TSPAN3: variants seen among roughly 807,000 people sequenced by gnomAD.
TSPAN3 encodes tetraspanin 3.
Under a neutral mutation model 31.1 loss-of-function variants are expected in TSPAN3, and 9 were observed. That is an observed-to-expected ratio of 0.29 (90% confidence interval 0.17 to 0.50). TSPAN3 has a LOEUF of 0.50. TSPAN3 is among the 20% of genes least tolerant of loss of function. The probability of loss-of-function intolerance (pLI) is 0.98; values close to 1 mark genes in which losing one functional copy is unlikely to be tolerated. For missense variants in TSPAN3, 252 were observed against 313.5 expected, an observed-to-expected ratio of 0.80 and a Z score of 1.48; for synonymous variants, 129 against 114.3, an observed-to-expected ratio of 1.13 and a Z score of -0.82.
chr15:77,060,325 G>A (rs1250374689), intron 1 of TSPAN3, among the ~76,000 whole-genome samples: 1 of 152,122 alleles, frequency 6.6e-6, no homozygotes, highest in Non-Finnish European at 1.5e-5. Context: ...ATCTGTATAT[G>A]GTGCTTATAT....
chr15:77,047,047 C>T, intron 6 of TSPAN3, 120 bp from the exon 7 acceptor site: 1 of 673,856 alleles, frequency 1.5e-6, no homozygotes, highest in Non-Finnish European at 2.5e-6. Context: ...ATCAAAAAGG[C>T]AGTAACAACA....
intron 6 of TSPAN3, among the ~76,000 whole-genome samples, chr15:77,051,540 A>T (rs2076730954): frequency 6.6e-6 from 1 of 151,458 alleles, no homozygotes; most frequent in Non-Finnish European, 1.5e-5. Flanking sequence ...AAAAAAAAAA[A>T]AAGAAAAGAA....
At chr15:77,059,200 A>T (rs920423337) in intron 1 of TSPAN3, among the ~76,000 whole-genome samples, 9 of 152,058 alleles carry the variant, frequency 5.9e-5, no homozygotes, top group Admixed American at 2.0e-4. Context: ...CTCCTGCCTC[A>T]GCCTCCCGAG....
intron 4 of TSPAN3, among the ~76,000 whole-genome samples, chr15:77,053,604 G>A (rs1331993392): frequency 6.7e-6 from 1 of 150,346 alleles, no homozygotes; most frequent in Non-Finnish European, 1.5e-5. Context: ...CAATGACAAA[G>A]TATTTAAAAT....
chr15:77,060,185 CT>C (rs201024375), intron 1 of TSPAN3, among the ~76,000 whole-genome samples: 2,042 of 152,270 alleles, frequency 0.013, 56 homozygotes, highest in African/African-American at 0.047. Flanking sequence ...GTTAAAGGAA[CT>C]TACTAGTTGC....
intron 1 of TSPAN3, among the ~76,000 whole-genome samples, chr15:77,057,724 G>C (rs2076776375): frequency 6.6e-6 from 1 of 152,076 alleles, no homozygotes; most frequent in Non-Finnish European, 1.5e-5. Flanking sequence ...TGAGATGTTA[G>C]TGATCTCCAG....
Position 77,046,514 on chromosome 15 carries a change from GT to G in TSPAN3, c.*320del. The G allele has an allele frequency of 6.7e-6, 3 of 449,224 alleles. No homozygotes were observed. Among genetic ancestry groups the G allele is most frequent in the Non-Finnish European group, 1.2e-5 (3 of 255,148 alleles). The allele number at this position is 449,224 out of a possible 1,614,324, so 27.8% of individuals were successfully genotyped here. ...CTGGTGACATTTCGGCATCAGTCCT[GT>G]TACCACTTGGAGGTAACAGAAGCAG... On this transcript the variant is annotated 3_prime_UTR_variant, in exon 7 of 7. Coordinates refer to ENST00000267970, the MANE Select transcript of TSPAN3 (RefSeq NM_005724.6).
Position 77,059,704 on chromosome 15 carries a change from G to A in TSPAN3, c.64-3449C>T, listed in dbSNP as rs144187123. ...AAATGAATTCCATTTCTGAGCTTTC[G>A]GTACACCTACTGAAACTTCACTAGC... On this transcript the variant is annotated intron_variant, in intron 1 of 6. Coordinates refer to ENST00000267970, the MANE Select transcript of TSPAN3 (RefSeq NM_005724.6). 1.6e-3 allele frequency among the ~76,000 whole-genome samples: 239 copies of A among 151,940 alleles called. 2 individuals are homozygous for A. The highest frequency in any genetic ancestry group is 5.4e-3 in the African/African-American group (225 of 41,410).
chr15:77,057,002 G>C (rs1009096328), intron 1 of TSPAN3, among the ~76,000 whole-genome samples: 1 of 152,206 alleles, frequency 6.6e-6, no homozygotes, highest in Non-Finnish European at 1.5e-5. Flanking sequence ...CTTCTTCTTG[G>C]AGCGCACTCT....
chr15:77,052,873 T>G lies in TSPAN3; in HGVS notation c.489A>C (p.Lys163Asn), dbSNP rs762238674. The G allele has an allele frequency of 6.2e-7, 1 of 1,614,128 alleles. No homozygotes were observed. Among genetic ancestry groups the G allele is most frequent in the South Asian group, 1.1e-5 (1 of 91,062 alleles). The change falls in exon 5 of 7, where the codon AAA (lysine) becomes AAC (asparagine). Residue 163 changes from lysine (K) to asparagine (N), a missense_variant. Lys to Asn is a moderately conservative substitution (Grantham distance 94, BLOSUM62 0). Transcript: ENST00000267970. ...GAGGGACACTCTGGTTTTTGGTTTC[T>G]TTGAACCAATCTGTATTTTCCCAGT... ...YSDWENTDWF[K>N]ETKNQSVPLS...
chr15:77,069,552 T>A (rs1012013486), intron 1 of TSPAN3, among the ~76,000 whole-genome samples: 4 of 152,170 alleles, frequency 2.6e-5, no homozygotes, highest in African/African-American at 7.2e-5. Flanking sequence ...GTCGCCTGGG[T>A]GTTTGCCAAC....
At chr15:77,053,451 CAAAAAAAAA>C (rs60483848) in intron 4 of TSPAN3, among the ~76,000 whole-genome samples, 7 of 50,374 alleles carry the variant, frequency 1.4e-4, no homozygotes, top group African/African-American at 4.8e-4. Context: ...TTCGCCATCT[CAAAAAAAAA>C]AAAAAAAAAA....
chr15:77,051,386 G>A (rs902205886), intron 6 of TSPAN3, among the ~76,000 whole-genome samples: 1 of 151,922 alleles, frequency 6.6e-6, no homozygotes, highest in Non-Finnish European at 1.5e-5. Flanking sequence ...AAATTAGCTG[G>A]GCATGGTAGC....
chr15:77,049,291 C>G (rs1266089737), intron 6 of TSPAN3, among the ~76,000 whole-genome samples: 1 of 152,082 alleles, frequency 6.6e-6, no homozygotes, highest in Non-Finnish European at 1.5e-5. Context: ...ACATGCGGCA[C>G]AGAGACCAGA....
At chr15:77,054,038 G>A (rs1311767813) in intron 4 of TSPAN3, 140 bp downstream of exon 4, 3 of 584,826 alleles carry the variant, frequency 5.1e-6, no homozygotes, top group African/African-American at 1.9e-5. Flanking sequence ...AAGGGTGAAG[G>A]TTGGGGAAAA....
chr15:77,052,532 G>A (rs2152695817), intron 5 of TSPAN3, 64 bp from the exon 6 acceptor site: 2 of 1,451,416 alleles, frequency 1.4e-6, no homozygotes, highest in South Asian at 1.1e-5. Flanking sequence ...CAGATTCACA[G>A]GCCACTACCC....
chr15:77,062,581 A>C (rs1259580576), intron 1 of TSPAN3, among the ~76,000 whole-genome samples: 1 of 152,256 alleles, frequency 6.6e-6, no homozygotes, highest in Non-Finnish European at 1.5e-5. Context: ...TGCAGAGAGA[A>C]GGGCCCTCAG....
intron 1 of TSPAN3, among the ~76,000 whole-genome samples, chr15:77,062,290 T>C (rs2152697333): frequency 6.6e-6 from 1 of 152,338 alleles, no homozygotes; most frequent in Middle Eastern, 3.4e-3. Flanking sequence ...TGCCATAATG[T>C]ATATTCTCTA....
rs1024485101 is a variant in TSPAN3 at position 77,060,095 on chromosome 15, T to C, written c.64-3840A>G. Among the ~76,000 whole-genome samples the C allele has an allele frequency of 3.3e-5, 5 of 152,108 alleles. No homozygotes were observed. In the East Asian group the frequency reaches 7.7e-4, roughly 23 times the overall value. ...TCTTTTCTGATAGACTCTACAACAGTTTTTTTTCCCAGGCTGCAGTCAACA... is the reference window on the plus strand; with the variant it reads ...TCTTTTCTGATAGACTCTACAACAGCTTTTTTTCCCAGGCTGCAGTCAACA... On this transcript the variant is annotated intron_variant, in intron 1 of 6. Coordinates refer to ENST00000267970, the MANE Select transcript of TSPAN3 (RefSeq NM_005724.6).
Sources: gnomAD v4.1 joint callset for allele counts (sites outside exome capture counted in the v4.1 genomes callset) on GRCh38, gnomAD v4.1.1 for gene constraint, MANE v1.5 for transcripts, NCBI Gene and HGNC (gene_info 2026-07-23, HGNC 2026-07-21) for gene names.